Variants in DMD observed in about 807,000 individuals in gnomAD.
DMD encodes dystrophin.
DMD carries 63 observed loss-of-function variants against 330.1 expected under a neutral mutation model. The ratio of observed to expected loss-of-function variants is 0.19; its 90% CI spans 0.16 to 0.24. The LOEUF (loss-of-function observed/expected upper bound fraction) is 0.24, where lower values mean the gene tolerates loss of function less well. DMD is among the 10% of genes least tolerant of loss of function. The probability of loss-of-function intolerance (pLI) is 1.00; values close to 1 mark genes in which losing one functional copy is unlikely to be tolerated. For synonymous variants in DMD, 1,223 were observed against 959.8 expected (o/e 1.27, Z -5.07); for missense variants, 3,344 against 2,684.1 (o/e 1.25, Z -5.43).
chrX:31,991,615 C>G (rs2095551148), intron 44 of DMD, among the ~76,000 whole-genome samples: 1 of 110,027 alleles, frequency 9.1e-6, no homozygotes, highest in African/African-American at 3.3e-5. Context: ...AGATAAAAAA[C>G]AGGATAGCCA....
At chrX:32,303,480 A>G (rs1316082029) in intron 42 of DMD, among the ~76,000 whole-genome samples, 2 of 111,348 alleles carry the variant, frequency 1.8e-5, no homozygotes, top group Admixed American at 1.9e-4. Context: ...TGGGTTATAC[A>G]TATACTTAAA....
At position 32,853,788 on chromosome X, in the gene DMD, A is replaced by AAAAAAC. The variant is rs2081331684; in HGVS notation, c.94-3969_94-3968insGTTTTT. Among the ~76,000 whole-genome samples, 4 of 101,836 alleles carry AAAAAAC rather than the reference A, an allele frequency of 3.9e-5. No individual in the cohort carries two copies. In the South Asian group the frequency reaches 1.8e-3, roughly 45 times the overall value. The allele number at this position is 101,836 out of a possible 115,157, so 88.4% of individuals were successfully genotyped here. ...GTGACAGAAAAAAAAAAAAAAAAAC[A>AAAAAAC]AACAACAACAACAACAACAAACACC... On this transcript the variant is annotated intron_variant, in intron 2 of 78. Transcript: ENST00000357033.
intron 1 of DMD, among the ~76,000 whole-genome samples, chrX:33,055,429 A>C (rs889772486): frequency 7.1e-5 from 8 of 112,166 alleles, no homozygotes; most frequent in Non-Finnish European, 1.5e-4. Flanking sequence ...AGTCGGTAGG[A>C]GATTAAAAAC....
chrX:31,923,905 A>T (rs1273100440), intron 47 of DMD, among the ~76,000 whole-genome samples: 3 of 111,724 alleles, frequency 2.7e-5, no homozygotes, highest in Non-Finnish European at 5.6e-5. Flanking sequence ...CCGTTTTCTT[A>T]TATAATAGCG....
At chrX:31,151,534 C>T (rs1483293950) in intron 74 of DMD, among the ~76,000 whole-genome samples, 1 of 112,009 alleles carries the variant, frequency 8.9e-6, no homozygotes, top group African/African-American at 3.2e-5. Flanking sequence ...GTCCACAGGG[C>T]TCTTCTTTTA....
At chrX:31,686,116 A>C (rs1214730708) in intron 52 of DMD, among the ~76,000 whole-genome samples, 4 of 112,273 alleles carry the variant, frequency 3.6e-5, no homozygotes, top group Non-Finnish European at 5.6e-5. Flanking sequence ...TATCCATTTA[A>C]AAAAATCCTT....
chrX:32,467,709 G>C (rs2040188286), intron 23 of DMD, among the ~76,000 whole-genome samples: 1 of 105,890 alleles, frequency 9.4e-6, no homozygotes. Context: ...ATATATGGAA[G>C]CTAAAAATGC....
At chrX:32,911,092 G>A (rs760011720) in intron 2 of DMD, among the ~76,000 whole-genome samples, 1 of 112,328 alleles carries the variant, frequency 8.9e-6, no homozygotes, top group Non-Finnish European at 1.9e-5. Context: ...ATATTTATTA[G>A]ATAGGACTTC....
intron 60 of DMD, among the ~76,000 whole-genome samples, chrX:31,381,506 TACTC>T (rs1029900599): frequency 5.4e-5 from 6 of 111,874 alleles, no homozygotes; most frequent in Middle Eastern, 4.2e-3. Context: ...CCTTCAGCTG[TACTC>T]ACTCTTTGTT....
chrX:33,100,682 A>T (rs374344897), intron 1 of DMD, among the ~76,000 whole-genome samples: 17 of 111,501 alleles, frequency 1.5e-4, no homozygotes, highest in African/African-American at 4.6e-4. Context: ...CAAGAGCAAA[A>T]CTCCGTCTCA....
At chrX:31,476,761 G>GT (rs2067814807) in intron 59 of DMD, among the ~76,000 whole-genome samples, 2 of 111,129 alleles carry the variant, frequency 1.8e-5, no homozygotes, top group Non-Finnish European at 3.8e-5. Context: ...CAGTATCTGA[G>GT]ATATGCCAGG....
intron 17 of DMD, among the ~76,000 whole-genome samples, chrX:32,519,616 A>G (rs2046229454): frequency 8.9e-6 from 1 of 111,943 alleles, no homozygotes; most frequent in Non-Finnish European, 1.9e-5. Context: ...TTTTCACTTC[A>G]ATATTAGACT....
intron 44 of DMD, among the ~76,000 whole-genome samples, chrX:32,134,907 T>C (rs897961795): frequency 3.6e-5 from 4 of 112,283 alleles, no homozygotes; most frequent in African/African-American, 1.3e-4. Flanking sequence ...GTTCTAAGCC[T>C]ACTGCAATAA....
intron 42 of DMD, among the ~76,000 whole-genome samples, chrX:32,290,608 G>A (rs1038360180): frequency 3.6e-5 from 4 of 111,891 alleles, no homozygotes; most frequent in African/African-American, 1.3e-4. Flanking sequence ...ACTACATTCT[G>A]GCTATTCTTC....
chrX:31,783,735 A>G (rs2091147416), intron 50 of DMD, among the ~76,000 whole-genome samples: 1 of 111,487 alleles, frequency 9.0e-6, no homozygotes, highest in Admixed American at 9.6e-5. Context: ...GAAGTTATAT[A>G]AATTAATATA....
chrX:32,205,800 C>T (rs1342781160), intron 44 of DMD: 1 of 185,853 alleles, frequency 5.4e-6, no homozygotes, highest in East Asian at 1.3e-4. Flanking sequence ...AGGTAATCTC[C>T]CTGGTGTGAT....
rs772484941 is a variant in DMD, at chrX:31,655,815, C to T, written c.8027+2175G>A. Among the ~76,000 whole-genome samples the T allele has an allele frequency of 4.5e-3, 503 of 111,415 alleles. 1 individual carries two copies. The highest frequency in any genetic ancestry group is 7.1e-3 in the Non-Finnish European group (374 of 53,024). On this transcript the variant is annotated intron_variant, in intron 54 of 78. Transcript: ENST00000357033. ...ACTTCGCAGCCTCCAGAACTATGAGCCAACAAATCCCTGTTCATTATAAAT... is the reference window on the plus strand; with the variant it reads ...ACTTCGCAGCCTCCAGAACTATGAGTCAACAAATCCCTGTTCATTATAAAT...
chrX:32,930,175 A>C (rs148825530), intron 2 of DMD, among the ~76,000 whole-genome samples: 1,412 of 111,271 alleles, frequency 0.013, 20 homozygotes, highest in African/African-American at 0.044. Flanking sequence ...AAAATGTTGA[A>C]TATTTCATGT....
intron 44 of DMD, chrX:32,206,485 G>T: frequency 1.8e-6 from 1 of 561,185 alleles, no homozygotes; most frequent in East Asian, 3.5e-5. Context: ...AAGTCAAATC[G>T]GAATGGAAAA....
Sources: allele counts gnomAD v4.1 joint callset (sites outside exome capture counted in the v4.1 genomes callset), GRCh38; gene constraint gnomAD v4.1.1; transcripts MANE v1.5; gene names NCBI Gene and HGNC (gene_info 2026-07-23, HGNC 2026-07-21).